Variants in RALGAPA2 observed in about 807,000 individuals in gnomAD.
The protein encoded by RALGAPA2 is ral GTPase-activating protein subunit alpha-2.
A neutral mutation model predicts 230.4 loss-of-function variants in RALGAPA2; 139 were observed. The ratio of observed to expected loss-of-function variants is 0.60; its 90% confidence interval spans 0.53 to 0.69. The LOEUF (loss-of-function observed/expected upper bound fraction) is 0.69, where lower values mean the gene tolerates loss of function less well. Among genes scored for constraint, RALGAPA2 ranks in the 30% least tolerant of loss-of-function variants. The pLI, the probability that RALGAPA2 is intolerant of heterozygous loss-of-function variation, is 0.00. For synonymous variants in RALGAPA2, 847 were observed against 837.8 expected (o/e 1.01, Z -0.19); for missense variants, 2,163 against 2,276.0 (o/e 0.95, Z 1.01).
intron 37 of RALGAPA2, among the ~76,000 whole-genome samples, chr20:20,436,157 T>G (rs2060607791): frequency 6.6e-6 from 1 of 152,168 alleles, no homozygotes. Context: ...GACCTGCCTG[T>G]GGACATTGCT....
chr20:20,589,455 T>A, intron 17 of RALGAPA2, 90 bp from the exon 18 acceptor site: 2 of 1,301,836 alleles, frequency 1.5e-6, no homozygotes, highest in Non-Finnish European at 2.1e-6. Context: ...AGGTAACTAT[T>A]AAATTTAAAT....
chr20:20,394,879 A>C (rs2059675950), intron 39 of RALGAPA2, among the ~76,000 whole-genome samples: 1 of 147,156 alleles, frequency 6.8e-6, no homozygotes, highest in Non-Finnish European at 1.5e-5. Flanking sequence ...GATTGATTCT[A>C]ATAAATAAGC....
intron 37 of RALGAPA2, among the ~76,000 whole-genome samples, chr20:20,455,929 T>C (rs2061106012): frequency 6.6e-6 from 1 of 152,126 alleles, no homozygotes; most frequent in African/African-American, 2.4e-5. Flanking sequence ...GAAAGCAATA[T>C]AAAATTAGGA....
At chr20:20,589,150 A>C (rs2065214901) in intron 18 of RALGAPA2, 118 bp downstream of exon 18, 1 of 1,365,946 alleles carries the variant, frequency 7.3e-7, no homozygotes, top group Non-Finnish European at 9.6e-7. Context: ...TTGGGCCTAT[A>C]AACTGTCTAA....
chr20:20,468,311 G>A (rs879520935), intron 37 of RALGAPA2, among the ~76,000 whole-genome samples: 1 of 152,110 alleles, frequency 6.6e-6, no homozygotes, highest in Admixed American at 6.5e-5. Flanking sequence ...TTAGAAATTT[G>A]GATTAGAAAA....
intron 9 of RALGAPA2, 34 bp downstream of exon 9, chr20:20,635,384 G>C: frequency 1.3e-6 from 2 of 1,530,004 alleles, no homozygotes; most frequent in Middle Eastern, 1.7e-4. Flanking sequence ...TATTACACAA[G>C]CATTAACAGA....
chr20:20,476,205 A>C (rs1165665360), intron 36 of RALGAPA2, among the ~76,000 whole-genome samples: 1 of 152,198 alleles, frequency 6.6e-6, no homozygotes, highest in Non-Finnish European at 1.5e-5. Context: ...CAAGCCTTTA[A>C]AAAATATACA....
intron 5 of RALGAPA2, among the ~76,000 whole-genome samples, 165 bp downstream of exon 5, chr20:20,643,341 T>C (rs955869860): frequency 6.6e-6 from 1 of 152,194 alleles, no homozygotes; most frequent in South Asian, 2.1e-4. Context: ...CAATAAGTTA[T>C]GATGTAAGAA....
At chr20:20,525,546 A>T (rs1420190133) in intron 28 of RALGAPA2, among the ~76,000 whole-genome samples, 1 of 152,192 alleles carries the variant, frequency 6.6e-6, no homozygotes, top group Non-Finnish European at 1.5e-5. Context: ...TCCTTGTAAT[A>T]CCTCATGGGG....
Position 20,707,200 on chromosome 20 carries a change from G to A in RALGAPA2, c.106+5175C>T, listed in dbSNP as rs560786009. On this transcript the variant is annotated intron_variant, in intron 1 of 39. Transcript: ENST00000202677. ...AATTATAAAAAGGTGTTTATTGGTA[G>A]TCAGACTACAGTGAAAATGGCAGCC... is the stretch of plus-strand genomic sequence containing the variant. 2.0e-5 allele frequency among the ~76,000 whole-genome samples: 3 copies of A among 152,316 alleles called. No individual in the cohort carries two copies. In the East Asian group the frequency reaches 5.8e-4, roughly 29 times the overall value.
Position 20,524,544 on chromosome 20 carries a change from C to T in RALGAPA2, c.3763-1G>A. ...GGCAGAGTAGCAAGGACACAATAAACTGGAAGAAGAACATGCCCGGTAGCT... is the reference window on the plus strand; with the variant it reads ...GGCAGAGTAGCAAGGACACAATAAATTGGAAGAAGAACATGCCCGGTAGCT... On this transcript the variant is annotated splice_acceptor_variant, in intron 29 of 39. Transcript: ENST00000202677. LOFTEE classifies it high-confidence loss of function. 1 of 1,613,902 alleles carries T rather than the reference C, an allele frequency of 6.2e-7. No homozygotes were observed. Among genetic ancestry groups the T allele is most frequent in the Non-Finnish European group, 8.5e-7 (1 of 1,179,854 alleles).
intron 35 of RALGAPA2, among the ~76,000 whole-genome samples, chr20:20,501,877 G>A (rs2062386671): frequency 6.6e-6 from 1 of 152,132 alleles, no homozygotes; most frequent in African/African-American, 2.4e-5. Context: ...GGAATAGGAA[G>A]GCCCAAGGAG....
At chr20:20,504,974 A>G (rs2062489008) in intron 34 of RALGAPA2, 3 of 981,790 alleles carry the variant, frequency 3.1e-6, no homozygotes, top group Non-Finnish European at 3.6e-6. Context: ...GTTGATAGCT[A>G]AACCATCATG....
At chr20:20,513,407 G>A in intron 31 of RALGAPA2, 123 bp from the exon 32 acceptor site, 1 of 748,478 alleles carries the variant, frequency 1.3e-6, no homozygotes, top group Non-Finnish European at 1.9e-6. Flanking sequence ...CTTTTAGTGT[G>A]CCTCAGCCAC....
At chr20:20,643,404 G>A (rs2067106854) in intron 5 of RALGAPA2, 102 bp downstream of exon 5, 1 of 1,105,588 alleles carries the variant, frequency 9.0e-7, no homozygotes, top group African/African-American at 1.6e-5. Flanking sequence ...AAGTCAAGTG[G>A]TTTCTAAAGA....
In RALGAPA2 at chr20:20,580,615, T is replaced by C. The variant is rs557756506; in HGVS notation, c.2707+2435A>G. ...TTCCTTCTGCCTCCTGGTACTTCCC[T>C]GCATGACCCCTGTTTCCAGGGATCC... On this transcript the variant is annotated intron_variant, in intron 20 of 39. Transcript: ENST00000202677. 2.0e-5 allele frequency among the ~76,000 whole-genome samples: 3 copies of C among 152,316 alleles called. No individual in the cohort carries two copies. The South Asian group carries it at 6.2e-4, about 32-fold the overall frequency.
intron 25 of RALGAPA2, 71 bp from the exon 26 acceptor site, chr20:20,535,874 T>G: frequency 6.7e-7 from 1 of 1,494,412 alleles, no homozygotes; most frequent in Non-Finnish European, 9.0e-7. Flanking sequence ...CTGACCATGT[T>G]CCAGGCAGCC....
intron 1 of RALGAPA2, among the ~76,000 whole-genome samples, chr20:20,687,567 C>T (rs1463655376): frequency 6.6e-6 from 1 of 152,176 alleles, no homozygotes; most frequent in Admixed American, 6.5e-5. Context: ...CTGAACCCAA[C>T]CCACCAGTCT....
chr20:20,534,005 A>C (rs2063433851), intron 26 of RALGAPA2, among the ~76,000 whole-genome samples: 1 of 152,228 alleles, frequency 6.6e-6, no homozygotes, highest in Non-Finnish European at 1.5e-5. Context: ...TAAAATAGAG[A>C]AGTTGAACAA....
Sources: gnomAD v4.1 joint callset for allele counts (sites outside exome capture counted in the v4.1 genomes callset) on GRCh38, gnomAD v4.1.1 for gene constraint, MANE v1.5 for transcripts, NCBI Gene and HGNC (gene_info 2026-07-23, HGNC 2026-07-21) for gene names.